RIMS2: variants seen among roughly 807,000 people sequenced by gnomAD.
The protein encoded by RIMS2 is regulating synaptic membrane exocytosis 2.
RIMS2 carries 59 observed loss-of-function variants against 174.4 expected under a neutral mutation model. The observed-to-expected ratio is 0.34, with a 90% confidence interval of 0.27 to 0.42. The LOEUF (loss-of-function observed/expected upper bound fraction) is 0.42. Ranked by LOEUF, RIMS2 falls within the 10% of genes least tolerant of loss-of-function variation. The pLI, the probability that RIMS2 is intolerant of heterozygous loss-of-function variation, is 1.00. For missense variants in RIMS2, 1,620 were observed against 1,666.3 expected, an observed-to-expected ratio of 0.97 and a Z score of 0.48; for synonymous variants, 606 against 572.5, an observed-to-expected ratio of 1.06 and a Z score of -0.84.
intron 19 of RIMS2, among the ~76,000 whole-genome samples, chr8:104,039,780 T>G (rs1004215102): frequency 5.9e-5 from 9 of 151,692 alleles, no homozygotes; most frequent in Non-Finnish European, 1.3e-4. Flanking sequence ...GAGAAGCAGG[T>G]GGATTGATGA....
chr8:103,673,592 G>T (rs2096772772), intron 1 of RIMS2, among the ~76,000 whole-genome samples: 1 of 152,182 alleles, frequency 6.6e-6, no homozygotes, highest in Admixed American at 6.5e-5. Flanking sequence ...TGTAGCTGTA[G>T]CTAGAGCAGC....
intron 1 of RIMS2, among the ~76,000 whole-genome samples, chr8:103,569,382 C>G (rs1214130935): frequency 6.6e-6 from 1 of 152,032 alleles, no homozygotes; most frequent in Non-Finnish European, 1.5e-5. Flanking sequence ...ATTAATAGAA[C>G]TGATCTGAAA....
chr8:104,070,243 C>T (rs1176901889), intron 19 of RIMS2, among the ~76,000 whole-genome samples: 1 of 152,134 alleles, frequency 6.6e-6, no homozygotes, highest in Non-Finnish European at 1.5e-5. Flanking sequence ...CCAGTCTCTT[C>T]CCCAGATTAC....
At chr8:103,614,762 G>T (rs576432832) in intron 1 of RIMS2, among the ~76,000 whole-genome samples, 24 of 152,290 alleles carry the variant, frequency 1.6e-4, no homozygotes, top group Admixed American at 4.6e-4. Context: ...TCCATAAAAA[G>T]ATTGAATATT....
intron 3 of RIMS2, among the ~76,000 whole-genome samples, chr8:103,800,546 G>T (rs2098599745): frequency 2.0e-5 from 3 of 152,168 alleles, no homozygotes. Context: ...GAATGGCTAT[G>T]AAATTTTGTC....
At chr8:104,050,987 G>A (rs2096775600) in intron 19 of RIMS2, among the ~76,000 whole-genome samples, 1 of 152,240 alleles carries the variant, frequency 6.6e-6, no homozygotes, top group African/African-American at 2.4e-5. Flanking sequence ...TGTAATCCCA[G>A]CACTTCAGGA....
At chr8:103,740,873 T>A (rs1018956544) in intron 2 of RIMS2, among the ~76,000 whole-genome samples, 1 of 152,222 alleles carries the variant, frequency 6.6e-6, no homozygotes, top group Middle Eastern at 3.4e-3. Context: ...AAGTTTTCTT[T>A]CCTTGTTTTT....
At chr8:104,185,172 A>C (rs1358206704) in intron 19 of RIMS2, among the ~76,000 whole-genome samples, 1 of 151,592 alleles carries the variant, frequency 6.6e-6, no homozygotes, top group South Asian at 2.1e-4. Flanking sequence ...TTTCAACTCA[A>C]TAAGCCCTGA....
At chr8:103,787,009 C>A (rs1335179033) in intron 3 of RIMS2, among the ~76,000 whole-genome samples, 1 of 150,492 alleles carries the variant, frequency 6.6e-6, no homozygotes, top group Non-Finnish European at 1.5e-5. Context: ...TGAATTGATC[C>A]CTTTACCATT....
chr8:104,062,497 T>C (rs904500913), intron 19 of RIMS2, among the ~76,000 whole-genome samples: 5 of 152,370 alleles, frequency 3.3e-5, no homozygotes, highest in South Asian at 2.1e-4. Context: ...GAGAAAATAT[T>C]ACACATTCTT....
rs1021498661 is a variant in RIMS2, at chr8:104,107,466, T to C, written c.3334+92851T>C. ...CTTTTTATTTTTCTGCCTCCCAGTA[T>C]CTACAATATTTCATACATAGTAGGG... is the stretch of plus-strand genomic sequence containing the variant. On this transcript the variant is annotated intron_variant, in intron 19 of 23. Transcript: ENST00000504942. Among the ~76,000 whole-genome samples, 5 of 152,210 alleles carry C rather than the reference T, an allele frequency of 3.3e-5. No individual in the cohort carries two copies. In the East Asian group the frequency reaches 7.7e-4, roughly 23 times the overall value.
chr8:104,098,732 G>A (rs966317416), intron 19 of RIMS2, among the ~76,000 whole-genome samples: 3 of 152,076 alleles, frequency 2.0e-5, no homozygotes, highest in Non-Finnish European at 1.5e-5. Context: ...ATAATCTTTA[G>A]AAGGACAAGC....
At chr8:103,816,401 C>T (rs961644523) in intron 3 of RIMS2, among the ~76,000 whole-genome samples, 1 of 152,040 alleles carries the variant, frequency 6.6e-6, no homozygotes, top group Non-Finnish European at 1.5e-5. Flanking sequence ...TTTAATGAAC[C>T]GCCTACCCTG....
At chr8:103,572,035 C>T (rs1339234101) in intron 1 of RIMS2, among the ~76,000 whole-genome samples, 1 of 152,124 alleles carries the variant, frequency 6.6e-6, no homozygotes, top group African/African-American at 2.4e-5. Flanking sequence ...AATGAAGCCA[C>T]GGACCCTCGC....
chr8:103,909,096 T>C (rs560522099), intron 4 of RIMS2, among the ~76,000 whole-genome samples: 6 of 152,268 alleles, frequency 3.9e-5, no homozygotes, highest in African/African-American at 9.6e-5. Context: ...TTAGATCTTA[T>C]TGTATTCTTT....
chr8:103,980,779 T>A (rs1317369843), intron 16 of RIMS2, among the ~76,000 whole-genome samples: 1 of 152,148 alleles, frequency 6.6e-6, no homozygotes, highest in Non-Finnish European at 1.5e-5. Context: ...AACATTGCAG[T>A]GGCCTGACGG....
chr8:104,060,362 T>G (rs368028433), intron 19 of RIMS2, among the ~76,000 whole-genome samples: 33,738 of 146,482 alleles, frequency 0.23, 3,743 homozygotes, highest in South Asian at 0.32. Context: ...TTGCATAGAG[T>G]TGTTTGTAGT....
chr8:103,870,376 C>T (rs867974363), intron 3 of RIMS2, among the ~76,000 whole-genome samples: 15 of 151,706 alleles, frequency 9.9e-5, no homozygotes, highest in Middle Eastern at 3.4e-3. Context: ...ACCACCACCA[C>T]CACCAGCACC....
chr8:103,943,389 A>G (rs2082992374), intron 14 of RIMS2, among the ~76,000 whole-genome samples: 1 of 152,172 alleles, frequency 6.6e-6, no homozygotes, highest in South Asian at 2.1e-4. Flanking sequence ...CTGAGTTTAA[A>G]TATTAATTCT....
Sources: allele counts gnomAD v4.1 joint callset (sites outside exome capture counted in the v4.1 genomes callset), GRCh38; gene constraint gnomAD v4.1.1; transcripts MANE v1.5; gene names NCBI Gene and HGNC (gene_info 2026-07-23, HGNC 2026-07-21).